The following PLCB4 variants were observed in gnomAD, a reference collection of about 807,000 sequenced individuals.
The protein encoded by PLCB4 is phospholipase C beta 4, also known as 1-phosphatidylinositol 4,5-bisphosphate phosphodiesterase beta-4.
Under a neutral mutation model 178.8 loss-of-function variants are expected in PLCB4, and 77 were observed. That is an observed-to-expected ratio of 0.43 (90% CI 0.36 to 0.52). The LOEUF (loss-of-function observed/expected upper bound fraction) is 0.52, where lower values mean the gene tolerates loss of function less well. Ranked by LOEUF, PLCB4 falls within the 20% of genes least tolerant of loss-of-function variation. PLCB4 has a pLI of 0.00. For missense variants in PLCB4, 1,024 were observed against 1,453.4 expected (o/e 0.70, Z 4.80); for synonymous variants, 496 against 490.8 (o/e 1.01, Z -0.14).
chr20:9,074,860 C>T (rs2089770932), intron 1 of PLCB4, among the ~76,000 whole-genome samples: 1 of 145,210 alleles, frequency 6.9e-6, no homozygotes, highest in Non-Finnish European at 1.5e-5. Context: ...ACATATTAAG[C>T]CATTTAGACC....
At chr20:9,318,393 G>T (rs1001196656) in intron 4 of PLCB4, among the ~76,000 whole-genome samples, 3 of 152,012 alleles carry the variant, frequency 2.0e-5, no homozygotes, top group Non-Finnish European at 4.4e-5. Context: ...GGCAAGTCCA[G>T]GTGGGTCCAG....
intron 25 of PLCB4, among the ~76,000 whole-genome samples, chr20:9,413,765 A>G (rs1248689825): frequency 6.6e-6 from 1 of 150,690 alleles, no homozygotes; most frequent in African/African-American, 2.4e-5. Flanking sequence ...CTCCACCGTT[A>G]TTTATTTTTT....
intron 35 of PLCB4, among the ~76,000 whole-genome samples, chr20:9,461,864 G>A (rs1568890214): frequency 6.6e-6 from 1 of 152,218 alleles, no homozygotes; most frequent in Admixed American, 6.5e-5. Context: ...AACTTCTGCA[G>A]ACTTAAACAT....
chr20:9,199,983 A>G (rs1272473661), intron 2 of PLCB4, among the ~76,000 whole-genome samples: 2 of 144,654 alleles, frequency 1.4e-5, no homozygotes, highest in Non-Finnish European at 3.0e-5. Context: ...ATTACATAAA[A>G]GTCATCAAGG....
intron 39 of PLCB4, among the ~76,000 whole-genome samples, chr20:9,477,669 A>G (rs902964044): frequency 6.6e-6 from 1 of 152,210 alleles, no homozygotes; most frequent in African/African-American, 2.4e-5. Flanking sequence ...CATAAAAAAT[A>G]TCTGGGCAGA....
intron 2 of PLCB4, among the ~76,000 whole-genome samples, chr20:9,131,743 C>T (rs2092277841): frequency 6.6e-6 from 1 of 152,130 alleles, no homozygotes; most frequent in Non-Finnish European, 1.5e-5. Flanking sequence ...CACTCATGCC[C>T]TTGTCTATTA....
intron 3 of PLCB4, among the ~76,000 whole-genome samples, chr20:9,283,373 C>G (rs192944610): frequency 6.6e-6 from 1 of 152,042 alleles, no homozygotes; most frequent in Non-Finnish European, 1.5e-5. Flanking sequence ...TAGCCATATT[C>G]AAAGACACCA....
intron 3 of PLCB4, among the ~76,000 whole-genome samples, chr20:9,290,424 C>A (rs538837399): frequency 1.3e-5 from 2 of 152,290 alleles, no homozygotes; most frequent in Admixed American, 1.3e-4. Flanking sequence ...ATCCAACTCT[C>A]TGACCTTTGA....
At chr20:9,400,210 C>T (rs2239383) in intron 19 of PLCB4, among the ~76,000 whole-genome samples, 53,800 of 151,828 alleles carry the variant, frequency 0.35, 9,672 homozygotes, top group African/African-American at 0.42. Flanking sequence ...CCTCACCCTC[C>T]TCCTGTGCCT....
chr20:9,354,182 A>G (rs1354551875), intron 7 of PLCB4, among the ~76,000 whole-genome samples: 3 of 152,138 alleles, frequency 2.0e-5, no homozygotes, highest in African/African-American at 7.2e-5. Flanking sequence ...AAATACTTCA[A>G]CACATGCAGT....
intron 2 of PLCB4, among the ~76,000 whole-genome samples, chr20:9,178,702 C>T (rs6056451): frequency 6.6e-6 from 1 of 151,648 alleles, no homozygotes; most frequent in African/African-American, 2.4e-5. Flanking sequence ...TTATTTCACC[C>T]TTAGGGGCTA....
chr20:9,159,971 C>T (rs1246755306), intron 2 of PLCB4, among the ~76,000 whole-genome samples: 1 of 152,064 alleles, frequency 6.6e-6, no homozygotes, highest in African/African-American at 2.4e-5. Context: ...GTTTAGTTGC[C>T]CATAGTTAGG....
intron 2 of PLCB4, among the ~76,000 whole-genome samples, chr20:9,159,387 T>C (rs970995945): frequency 8.5e-5 from 13 of 152,270 alleles, no homozygotes; most frequent in African/African-American, 2.4e-4. Flanking sequence ...ATGATTAACA[T>C]AGGATTATTA....
At chr20:9,424,085 A>C (rs2040830276) in intron 28 of PLCB4, 133 bp downstream of exon 28, 1 of 633,516 alleles carries the variant, frequency 1.6e-6, no homozygotes, top group African/African-American at 1.8e-5. Flanking sequence ...AACCCTGATT[A>C]CCTTGAATAC....
chr20:9,352,709 C>A (rs951119586), intron 7 of PLCB4, among the ~76,000 whole-genome samples: 5 of 152,162 alleles, frequency 3.3e-5, no homozygotes, highest in African/African-American at 1.2e-4. Context: ...AACATAGCCA[C>A]CCATACTCAT....
chr20:9,297,968 A>C (rs1178433286), intron 3 of PLCB4, among the ~76,000 whole-genome samples: 1 of 152,130 alleles, frequency 6.6e-6, no homozygotes, highest in East Asian at 1.9e-4. Flanking sequence ...GATTGAATTA[A>C]ATTGCCAGGG....
intron 3 of PLCB4, among the ~76,000 whole-genome samples, chr20:9,278,297 G>A (rs1194940298): frequency 6.6e-6 from 1 of 151,986 alleles, no homozygotes; most frequent in African/African-American, 2.4e-5. Context: ...TGTATTTCAC[G>A]ACAGTCCAGT....
At chr20:9,467,141 A>T (rs1469710166) in intron 35 of PLCB4, among the ~76,000 whole-genome samples, 3 of 152,226 alleles carry the variant, frequency 2.0e-5, no homozygotes, top group Admixed American at 2.0e-4. Flanking sequence ...GACATGGATG[A>T]AGCTGGAAAC....
At chr20:9,104,164 T>C (rs1314907941) in intron 2 of PLCB4, among the ~76,000 whole-genome samples, 1 of 152,194 alleles carries the variant, frequency 6.6e-6, no homozygotes, top group Non-Finnish European at 1.5e-5. Context: ...TTCACCTACA[T>C]GCCTGGCAAG....
Sources: gnomAD v4.1 joint callset for allele counts (sites outside exome capture counted in the v4.1 genomes callset) on GRCh38, gnomAD v4.1.1 for gene constraint, MANE v1.5 for transcripts, NCBI Gene and HGNC (gene_info 2026-07-23, HGNC 2026-07-21) for gene names.